The following ATG7 variants were observed in gnomAD, a reference collection of about 807,000 sequenced individuals.
The protein encoded by ATG7 is autophagy related 7.
Under a neutral mutation model 82.4 loss-of-function variants are expected in ATG7, and 70 were observed. The observed-to-expected ratio is 0.85, with a 90% confidence interval of 0.70 to 1.04. The LOEUF (loss-of-function observed/expected upper bound fraction) is 1.04, where lower values mean the gene tolerates loss of function less well. Among genes scored for constraint, ATG7 ranks in the 50% least tolerant of loss-of-function variants. The pLI is 0.00. For synonymous variants in ATG7, 287 were observed against 313.0 expected, an observed-to-expected ratio of 0.92 and a Z score of 0.88; for missense variants, 792 against 864.3, an observed-to-expected ratio of 0.92 and a Z score of 1.05.
intron 20 of ATG7, among the ~76,000 whole-genome samples, chr3:11,464,936 C>T (rs957499082): frequency 2.0e-5 from 3 of 152,120 alleles, no homozygotes; most frequent in African/African-American, 7.2e-5. Flanking sequence ...AAGCACTTTG[C>T]ACAGTTCTTG....
chr3:11,391,068 T>A (rs1344468166), intron 19 of ATG7, among the ~76,000 whole-genome samples: 1 of 152,212 alleles, frequency 6.6e-6, no homozygotes, highest in East Asian at 1.9e-4. Context: ...TTTCCGTTGA[T>A]CTTTTGTCTG....
intron 20 of ATG7, among the ~76,000 whole-genome samples, chr3:11,480,026 C>G (rs1359961229): frequency 6.6e-6 from 1 of 151,684 alleles, no homozygotes; most frequent in African/African-American, 2.4e-5. Flanking sequence ...CTCTGGGGTT[C>G]ACGACATTCT....
At chr3:11,511,969 G>A (rs946793769) in intron 20 of ATG7, among the ~76,000 whole-genome samples, 5 of 152,086 alleles carry the variant, frequency 3.3e-5, no homozygotes, top group African/African-American at 4.8e-5. Flanking sequence ...GTTCCCGCTC[G>A]TGCCTCTCCC....
intron 20 of ATG7, among the ~76,000 whole-genome samples, chr3:11,467,785 C>T (rs778356016): frequency 6.6e-6 from 1 of 152,174 alleles, no homozygotes; most frequent in African/African-American, 2.4e-5. Context: ...ATATAATCCC[C>T]ATAAAGGCAA....
chr3:11,455,615 G>T (rs920419505), intron 20 of ATG7, among the ~76,000 whole-genome samples: 5 of 152,162 alleles, frequency 3.3e-5, no homozygotes, highest in Admixed American at 2.0e-4. Context: ...ATTGTTCCTT[G>T]TTGGCCTGAA....
chr3:11,319,429 C>T (rs1001819387), intron 9 of ATG7, among the ~76,000 whole-genome samples: 4 of 152,190 alleles, frequency 2.6e-5, no homozygotes, highest in African/African-American at 9.7e-5. Context: ...GTCACTGCTG[C>T]TCTTTGAGCC....
chr3:11,286,701 C>T (rs1340577158), intron 3 of ATG7, among the ~76,000 whole-genome samples: 2 of 148,624 alleles, frequency 1.3e-5, no homozygotes, highest in Admixed American at 6.8e-5. Flanking sequence ...CAGGCTTAAG[C>T]GATCCTCCAC....
intron 20 of ATG7, among the ~76,000 whole-genome samples, chr3:11,465,380 G>A (rs1351065247): frequency 6.6e-6 from 1 of 150,944 alleles, no homozygotes; most frequent in Non-Finnish European, 1.5e-5. Flanking sequence ...AGGAGGCAAA[G>A]CTTGCAGTGA....
At chr3:11,459,382 A>G (rs1461962319) in intron 20 of ATG7, among the ~76,000 whole-genome samples, 1 of 152,180 alleles carries the variant, frequency 6.6e-6, no homozygotes, top group African/African-American at 2.4e-5. Flanking sequence ...AAATGTTTTT[A>G]TATTTATGTA....
At chr3:11,340,869 C>T (rs1575566742) in intron 12 of ATG7, 134 bp downstream of exon 12, 3 of 688,536 alleles carry the variant, frequency 4.4e-6, no homozygotes, top group Non-Finnish European at 7.4e-6. Context: ...TTACTCTGCT[C>T]TTCAATTGAA....
intron 20 of ATG7, among the ~76,000 whole-genome samples, chr3:11,442,529 T>G (rs2084079425): frequency 6.6e-6 from 1 of 152,042 alleles, no homozygotes; most frequent in African/African-American, 2.4e-5. Context: ...ATTAAAATTT[T>G]AATGTGTATT....
intron 14 of ATG7, among the ~76,000 whole-genome samples, chr3:11,357,939 G>A (rs1408120842): frequency 6.6e-6 from 1 of 151,318 alleles, no homozygotes; most frequent in African/African-American, 2.4e-5. Flanking sequence ...AGCCCAAGAG[G>A]TCATGGTTTC....
At position 11,556,358 on chromosome 3, in the gene ATG7, G is replaced by C. The variant is rs1037071293; in HGVS notation, c.*1515G>C. ...CCCCTCCAGGGTACTGCCTATCCCA[G>C]ATAGGTCAGTGCACCAGGGACCCGG... On this transcript the variant is annotated 3_prime_UTR_variant, in exon 21 of 21. Coordinates refer to ENST00000693202, the MANE Select transcript of ATG7 (RefSeq NM_001349232.2). 3 of 152,736 alleles carry C rather than the reference G, an allele frequency of 2.0e-5. No homozygotes were observed. Among genetic ancestry groups the C allele is most frequent in the African/African-American group, 7.2e-5 (3 of 41,406 alleles). The allele number at this position is 152,736 out of a possible 1,614,324, so 9.5% of individuals were successfully genotyped here. A position where few individuals can be genotyped will look rare whatever the true frequency, so the allele number is the denominator to read the frequency against.
At chr3:11,558,447 C>CT, downstream of ATG7, 1 of 1,409,936 alleles carries the variant, frequency 7.1e-7, no homozygotes, top group South Asian at 1.4e-5. Flanking sequence ...TAAACCATCC[C>CT]TTCCCTTCCC....
At chr3:11,502,387 A>G (rs1271722991) in intron 20 of ATG7, among the ~76,000 whole-genome samples, 1 of 79,304 alleles carries the variant, frequency 1.3e-5, no homozygotes, top group African/African-American at 5.1e-5. Flanking sequence ...CCCCCACCCC[A>G]CAACAGTCCC....
intron 20 of ATG7, among the ~76,000 whole-genome samples, chr3:11,544,700 G>T (rs1329872854): frequency 6.6e-6 from 1 of 152,224 alleles, no homozygotes; most frequent in Non-Finnish European, 1.5e-5. Context: ...TGGGCCGAGG[G>T]GCCCGCCCTT....
At chr3:11,340,801 C>G (rs1953440800) in intron 12 of ATG7, 66 bp downstream of exon 12, 1 of 1,402,398 alleles carries the variant, frequency 7.1e-7, no homozygotes, top group African/African-American at 1.4e-5. Context: ...CAAGTTCTGT[C>G]AGGCCAACAC....
intron 19 of ATG7, among the ~76,000 whole-genome samples, chr3:11,390,072 T>C (rs1483365821): frequency 1.3e-5 from 2 of 152,226 alleles, no homozygotes; most frequent in African/African-American, 4.8e-5. Flanking sequence ...TAATTACTCA[T>C]TGTTGTGTTG....
chr3:11,492,955 G>GTGTTATCA (rs1174718497), intron 20 of ATG7, among the ~76,000 whole-genome samples: 1 of 152,250 alleles, frequency 6.6e-6, no homozygotes, highest in Non-Finnish European at 1.5e-5. Flanking sequence ...GGACAGCAGC[G>GTGTTATCA]TGTTATCAGC....
Sources: allele counts gnomAD v4.1 joint callset (sites outside exome capture counted in the v4.1 genomes callset), GRCh38; gene constraint gnomAD v4.1.1; transcripts MANE v1.5; gene names NCBI Gene and HGNC (gene_info 2026-07-23, HGNC 2026-07-21).